Variants in ZMPSTE24 observed in about 807,000 individuals in gnomAD.
ZMPSTE24 encodes the protein CAAX prenyl protease 1 homolog.
ZMPSTE24 carries 48 observed loss-of-function variants against 56.7 expected under a neutral mutation model. That is an observed-to-expected ratio of 0.85 (90% CI 0.67 to 1.08). The LOEUF is 1.08. ZMPSTE24 is among the 50% of genes least tolerant of loss of function. ZMPSTE24 has a pLI of 0.00. For missense variants in ZMPSTE24, 503 were observed against 548.7 expected (o/e 0.92, Z 0.83); for synonymous variants, 172 against 195.2 (o/e 0.88, Z 0.99).
At chr1:40,270,450 CT>C (rs1643603148) in intron 5 of ZMPSTE24, among the ~76,000 whole-genome samples, 1 of 152,154 alleles carries the variant, frequency 6.6e-6, no homozygotes, top group Non-Finnish European at 1.5e-5. Context: ...TGACTCCTGA[CT>C]GACCTCCACT....
intron 7 of ZMPSTE24, among the ~76,000 whole-genome samples, chr1:40,284,736 G>A (rs1557781014): frequency 6.6e-6 from 1 of 152,086 alleles, no homozygotes. Flanking sequence ...TGGGCAACAA[G>A]AGTGAAACTC....
rs1012620879 is a variant in ZMPSTE24 at position 40,281,430 on chromosome 1, A to G, written c.857A>G (p.Glu286Gly). Residue 286 changes from glutamate (E) to glycine (G), a missense_variant, in exon 7 of 10, where the codon GAG (glutamate) becomes GGG (glycine). Physicochemically the swap from Glu to Gly is moderately conservative, Grantham distance 98 (BLOSUM62 -2). Coordinates refer to ENST00000372759, the MANE Select transcript of ZMPSTE24 (RefSeq NM_005857.5). Reference sequence around the variant, plus strand: ...GTTTTGTTTGACACTCTACTAGAAGAGTACTCTGTACTAAACAAAGACATC... The same window carrying G: ...GTTTTGTTTGACACTCTACTAGAAGGGTACTCTGTACTAAACAAAGACATC... Reference protein sequence around the residue: ...RIVLFDTLLEEYSVLNKDIQE... With the variant: ...RIVLFDTLLEGYSVLNKDIQE... 2 of 1,614,046 alleles carry G rather than the reference A, an allele frequency of 1.2e-6. No homozygotes were observed. The highest frequency in any genetic ancestry group is 1.3e-5 in the African/African-American group (1 of 74,950).
intron 8 of ZMPSTE24, chr1:40,290,575 C>T (rs1323755780): frequency 3.0e-6 from 1 of 331,312 alleles, no homozygotes; most frequent in Admixed American, 4.7e-5. Context: ...ATTCTCCTGC[C>T]TCAGCCTCCC....
rs1208318399 is a variant in ZMPSTE24 at position 40,273,516 on chromosome 1, T to TCAAAAAA, written c.769+1481_769+1482insCAAAAAA. 9.9e-3 allele frequency among the ~76,000 whole-genome samples: 105 copies of TCAAAAAA among 10,586 alleles called. 25 individuals are homozygous for TCAAAAAA. Among genetic ancestry groups the TCAAAAAA allele is most frequent in the South Asian group, 0.034 (7 of 206 alleles). The allele number at this position is 10,586 out of a possible 152,430, so 6.9% of individuals were successfully genotyped here. A position where few individuals can be genotyped will look rare whatever the true frequency, so the allele number is the denominator to read the frequency against. On this transcript the variant is annotated intron_variant, in intron 6 of 9. Transcript: ENST00000372759. ...TGGGCAACAAGAGCCAAATTCTGTC[T>TCAAAAAA]AAAAAAAAAAAAAAAAAAAAAATAT...
chr1:40,267,662 A>C, intron 2 of ZMPSTE24, 124 bp from the exon 3 acceptor site: 2 of 729,260 alleles, frequency 2.7e-6, no homozygotes, highest in Non-Finnish European at 4.8e-6. Flanking sequence ...GAGCCACCGT[A>C]CTGGCCTCTT....
At chr1:40,286,101 C>A in intron 8 of ZMPSTE24, 72 bp downstream of exon 8, 1 of 1,369,720 alleles carries the variant, frequency 7.3e-7, no homozygotes, top group South Asian at 1.2e-5. Context: ...CATGAGAGGT[C>A]ATATAAGAGA....
In ZMPSTE24 at chr1:40,281,419, T is replaced by C; in HGVS notation, c.846T>C (p.Thr282=). Residue 282 remains threonine, a synonymous_variant, in exon 7 of 10, where the codon ACT becomes ACC. Transcript: ENST00000372759. ...FKNKRIVLFD[T]LLEEYSVLNK... The stretch of plus-strand genomic sequence containing the variant: ...ACAAGCGAATAGTTTTGTTTGACAC[T>C]CTACTAGAAGAGTACTCTGTACTAA... 1.2e-6 allele frequency: 2 copies of C among 1,614,106 alleles called. No individual in the cohort carries two copies. Among genetic ancestry groups the C allele is most frequent in the Middle Eastern group, 3.3e-4 (2 of 6,060 alleles).
intron 8 of ZMPSTE24, among the ~76,000 whole-genome samples, chr1:40,288,158 G>GA (rs1643805665): frequency 1.3e-5 from 2 of 152,092 alleles, no homozygotes; most frequent in Non-Finnish European, 2.9e-5. Context: ...CAGCCTGGGT[G>GA]ACAGACCCTG....
rs35889679 is a variant in ZMPSTE24, at chr1:40,264,877, CAAAAAAA to C, written c.271-2892_271-2886del. 1.2e-3 allele frequency among the ~76,000 whole-genome samples: 64 copies of C among 53,250 alleles called. No individual in the cohort carries two copies. The East Asian group carries it at 0.016, about 14-fold the overall frequency. The allele number at this position is 53,250 out of a possible 152,430, so 34.9% of individuals were successfully genotyped here. ...CTGGTGACAGAGTGAGATCCTGTCT[CAAAAAAA>C]AAAAAAAAAAAAAAAAGAATGTAGT... On this transcript the variant is annotated intron_variant, in intron 2 of 9. Coordinates refer to ENST00000372759, the MANE Select transcript of ZMPSTE24 (RefSeq NM_005857.5).
intron 1 of ZMPSTE24, among the ~76,000 whole-genome samples, chr1:40,260,336 C>T (rs1239819397): frequency 1.3e-5 from 2 of 152,118 alleles, no homozygotes; most frequent in African/African-American, 4.8e-5. Flanking sequence ...GCTGGGATTA[C>T]AGGCGTGACC....
At chr1:40,264,877 C>CAAAAA (rs35889679) in intron 2 of ZMPSTE24, among the ~76,000 whole-genome samples, 13 of 53,222 alleles carry the variant, frequency 2.4e-4, no homozygotes, top group East Asian at 4.5e-4. Context: ...GATCCTGTCT[C>CAAAAA]AAAAAAAAAA....
chr1:40,281,821 G>A (rs1244772105), intron 7 of ZMPSTE24, among the ~76,000 whole-genome samples: 1 of 151,778 alleles, frequency 6.6e-6, no homozygotes, highest in Non-Finnish European at 1.5e-5. Flanking sequence ...ATATATATAT[G>A]TGTGTGTATA....
rs1457700359 is a variant in ZMPSTE24, at chr1:40,292,885, A to C, written c.*216A>C. 2.2e-6 allele frequency: 1 copy of C among 463,164 alleles called. No individual in the cohort carries two copies. Among genetic ancestry groups the C allele is most frequent in the African/African-American group, 2.0e-5 (1 of 50,502 alleles). The allele number at this position is 463,164 out of a possible 1,614,324, so 28.7% of individuals were successfully genotyped here. On this transcript the variant is annotated 3_prime_UTR_variant, in exon 10 of 10. Transcript: ENST00000372759. The stretch of plus-strand genomic sequence containing the variant: ...TGAAGCTTAATGTTTTTAAAGGCAT[A>C]GTTTTATCTTTGACATCTAATTTAC...
Position 40,281,545 on chromosome 1 carries a change from A to G in ZMPSTE24, c.954+18A>G. ...AAGTTAAAGTGAGTTATTTTTTCCT[A>G]AGAGATTCTACCTTAGTTTTTATAC... On this transcript the variant is annotated intron_variant, in intron 7 of 9. Coordinates refer to ENST00000372759, the MANE Select transcript of ZMPSTE24 (RefSeq NM_005857.5). 2 of 1,610,870 alleles carry G rather than the reference A, an allele frequency of 1.2e-6. No homozygotes were observed. The highest frequency in any genetic ancestry group is 1.7e-6 in the Non-Finnish European group (2 of 1,177,870).
chr1:40,267,554 G>C (rs2124580432), intron 2 of ZMPSTE24, among the ~76,000 whole-genome samples: 1 of 151,280 alleles, frequency 6.6e-6, no homozygotes, highest in African/African-American at 2.4e-5. Context: ...TTGTAGAGAT[G>C]GGGTCTCAAC....
Position 40,260,908 on chromosome 1 carries a change from G to T in ZMPSTE24, c.193G>T (p.Glu65Ter). The T allele has an allele frequency of 6.2e-7, 1 of 1,614,162 alleles. No homozygotes were observed. Residue 65 changes from glutamate to a stop codon, truncating the protein, a stop_gained, in exon 2 of 10, where the codon GAG becomes TAG. Coordinates refer to ENST00000372759, the MANE Select transcript of ZMPSTE24 (RefSeq NM_005857.5). LOFTEE classifies it high-confidence loss of function. ...LGQIMDSETF[E>*]KSRLYQLDKS... Reference sequence around the variant, plus strand: ...ACAGATCATGGATTCTGAAACATTTGAGAAATCTCGACTCTATCAACTGGA... The same window carrying T: ...ACAGATCATGGATTCTGAAACATTTTAGAAATCTCGACTCTATCAACTGGA...
In ZMPSTE24 at chr1:40,292,670, G is replaced by T; in HGVS notation, c.*1G>T. On this transcript the variant is annotated 3_prime_UTR_variant, in exon 10 of 10. Transcript: ENST00000372759. ...TTTGAAAACTATGAAGCAACACTGAGATGTCCAGGATCTGTGACTGAAGAC... is the reference window on the plus strand; with the variant it reads ...TTTGAAAACTATGAAGCAACACTGATATGTCCAGGATCTGTGACTGAAGAC... 6.2e-7 allele frequency: 1 copy of T among 1,611,338 alleles called. No homozygotes were observed. Among genetic ancestry groups the T allele is most frequent in the Non-Finnish European group, 8.5e-7 (1 of 1,177,602 alleles).
chr1:40,263,117 A>C (rs1643515012), intron 2 of ZMPSTE24: 1 of 466,184 alleles, frequency 2.1e-6, no homozygotes, highest in African/African-American at 2.1e-5. Flanking sequence ...GCCAGGAAAG[A>C]TAGACAGTAG....
chr1:40,281,639 C>A, intron 7 of ZMPSTE24, 112 bp downstream of exon 7: 1 of 1,128,518 alleles, frequency 8.9e-7, no homozygotes, highest in Non-Finnish European at 1.3e-6. Context: ...GGGAGACTAT[C>A]AGATGAAAAC....
Sources: allele counts gnomAD v4.1 joint callset (sites outside exome capture counted in the v4.1 genomes callset), GRCh38; gene constraint gnomAD v4.1.1; transcripts MANE v1.5; gene names NCBI Gene and HGNC (gene_info 2026-07-23, HGNC 2026-07-21).